Variants in ADGRV1 observed in about 807,000 individuals in gnomAD.
The protein encoded by ADGRV1 is adhesion G protein-coupled receptor V1, also known as G-protein coupled receptor 98.
In ADGRV1, 359 loss-of-function variants were observed where a neutral mutation model predicts 596.2. That is an observed-to-expected ratio of 0.60 (90% confidence interval 0.55 to 0.66). The LOEUF (loss-of-function observed/expected upper bound fraction) is 0.66. ADGRV1 is among the 30% of genes least tolerant of loss of function. The pLI is 0.00. For synonymous variants in ADGRV1, 2,681 were observed against 2,679.2 expected (o/e 1.00, Z -0.02); for missense variants, 7,274 against 7,575.6 (o/e 0.96, Z 1.48).
At chr5:91,151,348 G>A (rs1210505732) in intron 88 of ADGRV1, among the ~76,000 whole-genome samples, 1 of 152,208 alleles carries the variant, frequency 6.6e-6, no homozygotes, top group Non-Finnish European at 1.5e-5. Flanking sequence ...AACAGAAACA[G>A]AGTAGAAAGG....
At chr5:90,843,906 A>T (rs1217356599) in intron 78 of ADGRV1, among the ~76,000 whole-genome samples, 1 of 152,232 alleles carries the variant, frequency 6.6e-6, no homozygotes, top group East Asian at 1.9e-4. Context: ...AAGCATAGCA[A>T]TAATAATGAG....
chr5:90,835,606 GAGAA>G (rs1561823913), intron 77 of ADGRV1, among the ~76,000 whole-genome samples: 2 of 152,116 alleles, frequency 1.3e-5, no homozygotes, highest in African/African-American at 4.8e-5. Flanking sequence ...TGAAAGAACT[GAGAA>G]AGAAAAGTAC....
chr5:90,767,245 A>G (rs562895986), intron 59 of ADGRV1, among the ~76,000 whole-genome samples: 13 of 152,356 alleles, frequency 8.5e-5, no homozygotes, highest in Non-Finnish European at 1.8e-4. Flanking sequence ...AGAAGAAAAT[A>G]GTCCAGATTT....
intron 70 of ADGRV1, chr5:90,793,324 A>G (rs1045004143): frequency 1.1e-4 from 16 of 152,348 alleles, no homozygotes; most frequent in Non-Finnish European, 2.2e-4. Flanking sequence ...ACATTTTCCC[A>G]TGTATTCATA....
In ADGRV1 at chr5:91,104,311, A is replaced by C. The variant is rs540392421; in HGVS notation, c.18432+1971A>C. 2.0e-5 allele frequency among the ~76,000 whole-genome samples: 3 copies of C among 152,328 alleles called. No homozygotes were observed. The East Asian group carries it at 5.8e-4, about 29-fold the overall frequency. ...ATAAACACTTTTCATTTTATTGTTT[A>C]ATTGACACATAATAATTGTATATTT... On this transcript the variant is annotated intron_variant, in intron 87 of 89. Coordinates refer to ENST00000405460, the MANE Select transcript of ADGRV1 (RefSeq NM_032119.4).
At chr5:90,936,368 G>T (rs915089243) in intron 83 of ADGRV1, among the ~76,000 whole-genome samples, 22 of 151,910 alleles carry the variant, frequency 1.4e-4, no homozygotes, top group African/African-American at 5.3e-4. Context: ...TTTCAAATTT[G>T]TAAATATATT....
rs1304739086 is a variant in ADGRV1, at chr5:90,789,704, A to G, written c.13896A>G (p.Ile4632Met). The change falls in exon 69 of 90, where the codon ATA becomes ATG. Residue 4632 changes from isoleucine to methionine, a missense_variant and splice_region_variant. This residue lies in a region of ADGRV1 where 3,643 missense variants were observed against 3,809.2 expected (regional missense o/e 0.96). Coordinates refer to ENST00000405460, the MANE Select transcript of ADGRV1 (RefSeq NM_032119.4). The stretch of plus-strand genomic sequence containing the variant: ...TCTCTGTTGTTTATATTTTTTAGAT[A>G]CAAGAGTTTGGTGACCCAAATGGAG... The part of the protein sequence containing the change: ...DSRAKDVTLT[I>M]QEFGDPNGVV... 3.9e-6 allele frequency: 6 copies of G among 1,539,048 alleles called. No homozygotes were observed. The highest frequency in any genetic ancestry group is 1.9e-5 in the Admixed American group (1 of 52,034).
intron 87 of ADGRV1, among the ~76,000 whole-genome samples, chr5:91,119,569 C>G (rs1793132823): frequency 1.3e-5 from 2 of 152,138 alleles, no homozygotes; most frequent in African/African-American, 4.8e-5. Flanking sequence ...GGCAGCTGTT[C>G]CAAAGATGAA....
intron 31 of ADGRV1, 78 bp from the exon 32 acceptor site, chr5:90,692,527 G>T: frequency 1.7e-6 from 2 of 1,162,820 alleles, no homozygotes; most frequent in South Asian, 3.2e-5. Flanking sequence ...GTATATGTTT[G>T]ATTTTTTTCC....
At chr5:90,679,287 A>G (rs1744636555) in intron 25 of ADGRV1, among the ~76,000 whole-genome samples, 1 of 152,186 alleles carries the variant, frequency 6.6e-6, no homozygotes, top group African/African-American at 2.4e-5. Context: ...TAAAAATAAT[A>G]CTAGATTGAC....
intron 87 of ADGRV1, among the ~76,000 whole-genome samples, chr5:91,104,352 CGT>C (rs1562224847): frequency 6.6e-6 from 1 of 152,056 alleles, no homozygotes; most frequent in Non-Finnish European, 1.5e-5. Context: ...TACATAGTGA[CGT>C]ATTGATACAT....
chr5:90,829,479 T>C lies in ADGRV1; in HGVS notation c.16611+293T>C, dbSNP rs111662989. ...ATAAAATCTCTAGGGAGTTAAAATT[T>C]CTTCAGAATGTAACTGTTGAAGGCC... On this transcript the variant is annotated intron_variant, in intron 77 of 89. Transcript: ENST00000405460. Among the ~76,000 whole-genome samples the C allele has an allele frequency of 0.032, 4,888 of 152,342 alleles. 103 individuals carry two copies. The highest frequency in any genetic ancestry group is 0.099 in the Middle Eastern group (29 of 294).
At position 90,915,379 on chromosome 5, in the gene ADGRV1, C is replaced by T. The variant is rs762423290; in HGVS notation, c.17857-50036C>T. On this transcript the variant is annotated intron_variant, in intron 83 of 89. Coordinates refer to ENST00000405460, the MANE Select transcript of ADGRV1 (RefSeq NM_032119.4). ...GTTGTGTAGAATGACTGGATTTTGA[C>T]TTAAGAATTCAGTGGCTGTTTAATC... 6.5e-4 allele frequency among the ~76,000 whole-genome samples: 99 copies of T among 152,094 alleles called. 3 individuals carry two copies. The highest frequency in any genetic ancestry group is 3.2e-4 in the Non-Finnish European group (22 of 68,024).
Position 90,672,526 on chromosome 5 carries a change from T to C in ADGRV1, c.4753-20T>C, listed in dbSNP as rs368793935. Reference sequence around the variant, plus strand: ...ATTTGAATTGCTATGCACCTATTAATAATTTACATTCAATTTCAGATTGCA... The same window carrying C: ...ATTTGAATTGCTATGCACCTATTAACAATTTACATTCAATTTCAGATTGCA... On this transcript the variant is annotated intron_variant, in intron 21 of 89. Transcript: ENST00000405460. 4.4e-6 allele frequency: 7 copies of C among 1,602,462 alleles called. No homozygotes were observed. Among genetic ancestry groups the C allele is most frequent in the African/African-American group, 1.3e-5 (1 of 74,706 alleles).
chr5:90,860,360 G>A (rs1036148863), intron 82 of ADGRV1, among the ~76,000 whole-genome samples: 3 of 151,924 alleles, frequency 2.0e-5, no homozygotes, highest in Admixed American at 1.3e-4. Context: ...GAGTGCAATG[G>A]CACGATCTCA....
intron 1 of ADGRV1, among the ~76,000 whole-genome samples, chr5:90,567,209 T>TAA (rs1251514375): frequency 6.6e-6 from 1 of 152,176 alleles, no homozygotes. Flanking sequence ...TTGCTAGTAT[T>TAA]TTGTTAAGAG....
chr5:90,863,337 G>A (rs577799603), intron 82 of ADGRV1, among the ~76,000 whole-genome samples: 5 of 152,310 alleles, frequency 3.3e-5, no homozygotes, highest in African/African-American at 4.8e-5. Flanking sequence ...TAGAAATGTA[G>A]AAGTTTAAGT....
chr5:90,833,766 ATTTG>A (rs1401615378), intron 77 of ADGRV1, among the ~76,000 whole-genome samples: 3 of 152,280 alleles, frequency 2.0e-5, no homozygotes, highest in South Asian at 2.1e-4. Flanking sequence ...ACTTTACTAA[ATTTG>A]TTTATCAATT....
chr5:90,819,129 G>C (rs1030620986), intron 75 of ADGRV1, among the ~76,000 whole-genome samples: 10 of 151,852 alleles, frequency 6.6e-5, no homozygotes, highest in South Asian at 2.1e-4. Flanking sequence ...CAACTTCTTT[G>C]TGGTTTAGTC....
Sources: allele counts gnomAD v4.1 joint callset (sites outside exome capture counted in the v4.1 genomes callset), GRCh38; gene constraint gnomAD v4.1.1; regional missense constraint gnomAD v4.1.1; transcripts MANE v1.5; gene names NCBI Gene and HGNC (gene_info 2026-07-23, HGNC 2026-07-21).